The following CDIP1 variants were observed in gnomAD, a reference collection of about 807,000 sequenced individuals.
CDIP1 encodes cell death-inducing p53-target protein 1.
CDIP1 carries 9 observed loss-of-function variants against 17.7 expected under a neutral mutation model. The observed-to-expected ratio is 0.51, with a 90% CI of 0.31 to 0.89. CDIP1 has a LOEUF of 0.89. Among genes scored for constraint, CDIP1 ranks in the 40% least tolerant of loss-of-function variants. The pLI is 0.05. For missense variants in CDIP1, 263 were observed against 277.9 expected, an observed-to-expected ratio of 0.95 and a Z score of 0.38; for synonymous variants, 117 against 109.5, an observed-to-expected ratio of 1.07 and a Z score of -0.43.
chr16:4,533,719 A>T (rs1429508709), intron 1 of CDIP1: 1 of 60,314 alleles, frequency 1.7e-5, no homozygotes, highest in Admixed American at 2.1e-4. Context: ...TCCCAAGCCC[A>T]CCCCCGTACT....
At chr16:4,533,748 C>G (rs1395531076) in intron 1 of CDIP1, 1 of 139,388 alleles carries the variant, frequency 7.2e-6, no homozygotes, top group African/African-American at 2.5e-5. Context: ...GGCCTCCAAA[C>G]ACGCCCACAC....
rs182573831 is a variant in CDIP1 at position 4,516,800 on chromosome 16, C to T, written c.-104-2136G>A. Among the ~76,000 whole-genome samples, 461 of 149,164 alleles carry T rather than the reference C, an allele frequency of 3.1e-3. 5 individuals carry two copies. Among genetic ancestry groups the T allele is most frequent in the African/African-American group, 0.01 (414 of 40,190 alleles). ...CTGGCTCACTGCAACGTCTGCCTCC[C>T]GGGTCCCAGCGATTCTCCTGCCTCA... On this transcript the variant is annotated intron_variant, in intron 1 of 5. Coordinates refer to ENST00000567695, the MANE Select transcript of CDIP1 (RefSeq NM_013399.3).
At chr16:4,536,602 G>A (rs1328989267) in intron 1 of CDIP1, 6 of 152,032 alleles carry the variant, frequency 3.9e-5, no homozygotes, top group African/African-American at 1.4e-4. Flanking sequence ...TCAATGTTCT[G>A]CTCTTATGGT....
chr16:4,516,911 C>T (rs776097220), intron 1 of CDIP1, among the ~76,000 whole-genome samples: 9 of 152,102 alleles, frequency 5.9e-5, no homozygotes, highest in Non-Finnish European at 1.2e-4. Flanking sequence ...GATTTCACCA[C>T]ATTGACCAGG....
chr16:4,527,598 G>C (rs559110960), intron 1 of CDIP1, among the ~76,000 whole-genome samples: 1 of 152,330 alleles, frequency 6.6e-6, no homozygotes, highest in Admixed American at 6.5e-5. Context: ...TAGTGGATCA[G>C]TACAACTTTC....
intron 1 of CDIP1, among the ~76,000 whole-genome samples, chr16:4,535,574 A>G (rs2059098414): frequency 6.6e-6 from 1 of 152,234 alleles, no homozygotes; most frequent in African/African-American, 2.4e-5. Flanking sequence ...CACCTATCAC[A>G]GACGCGGCCA....
At chr16:4,527,764 CATGT>C (rs2059014849) in intron 1 of CDIP1, among the ~76,000 whole-genome samples, 2 of 152,168 alleles carry the variant, frequency 1.3e-5, no homozygotes, top group Non-Finnish European at 1.5e-5. Flanking sequence ...TGGTTACATG[CATGT>C]GATTAGCTAT....
chr16:4,530,660 A>C (rs962563201), intron 1 of CDIP1, among the ~76,000 whole-genome samples: 1 of 146,686 alleles, frequency 6.8e-6, no homozygotes, highest in African/African-American at 2.5e-5. Context: ...AAAAAAAAAA[A>C]CAAAAACAAA....
At chr16:4,524,412 T>C (rs557678216) in intron 1 of CDIP1, 2 of 152,430 alleles carry the variant, frequency 1.3e-5, no homozygotes, top group South Asian at 4.1e-4. Flanking sequence ...TCCCCCATTC[T>C]TGAATACAGA....
At chr16:4,528,885 A>C (rs1283955878) in intron 1 of CDIP1, among the ~76,000 whole-genome samples, 1 of 151,972 alleles carries the variant, frequency 6.6e-6, no homozygotes, top group East Asian at 1.9e-4. Flanking sequence ...GCTACTTGGG[A>C]GGCTGAGGCA....
Position 4,511,112 on chromosome 16 carries a change from C to T in CDIP1, c.*1460G>A, listed in dbSNP as rs1252599665. On this transcript the variant is annotated 3_prime_UTR_variant, in exon 6 of 6. Transcript: ENST00000567695. Reference sequence around the variant, plus strand: ...AACGTGTGCCCTGGCCCAGTCACAGCTGGAAATCCCAGGGCTGGTCTACAC... The same window carrying T: ...AACGTGTGCCCTGGCCCAGTCACAGTTGGAAATCCCAGGGCTGGTCTACAC... The T allele has an allele frequency of 2.0e-5, 3 of 152,186 alleles. No homozygotes were observed. Among genetic ancestry groups the T allele is most frequent in the Non-Finnish European group, 4.4e-5 (3 of 68,072 alleles). 9.4% of individuals were successfully genotyped at this position (152,186 alleles called of 1,614,324 possible). A position where few individuals can be genotyped will look rare whatever the true frequency, so the allele number is the denominator to read the frequency against.
chr16:4,531,230 G>A (rs547654625), intron 1 of CDIP1, among the ~76,000 whole-genome samples: 2 of 151,910 alleles, frequency 1.3e-5, no homozygotes, highest in East Asian at 1.9e-4. Flanking sequence ...GGGTTTCACC[G>A]TGTTAGCCAG....
At chr16:4,518,272 A>T (rs1282463514) in intron 1 of CDIP1, among the ~76,000 whole-genome samples, 1 of 152,246 alleles carries the variant, frequency 6.6e-6, no homozygotes, top group East Asian at 1.9e-4. Flanking sequence ...CCTAGAGCTC[A>T]AAAATTCTAT....
chr16:4,537,417 C>T (rs940905385), intron 1 of CDIP1, among the ~76,000 whole-genome samples: 1 of 152,210 alleles, frequency 6.6e-6, no homozygotes, highest in Non-Finnish European at 1.5e-5. Flanking sequence ...GCAGAGCTGG[C>T]ACGCCTCCCT....
Position 4,513,457 on chromosome 16 carries a change from A to C in CDIP1, c.241+239T>G, listed in dbSNP as rs548214319. Reference sequence around the variant, plus strand: ...GCACACAAGGCGCCCCTCCCCACCCATGTCAGGTCCTGGTGTGCCAAGGAC... The same window carrying C: ...GCACACAAGGCGCCCCTCCCCACCCCTGTCAGGTCCTGGTGTGCCAAGGAC... On this transcript the variant is annotated intron_variant, in intron 4 of 5. Coordinates refer to ENST00000567695, the MANE Select transcript of CDIP1 (RefSeq NM_013399.3). This position sits in a 1 kb window ranked among gnomAD's most constrained non-coding sequence, Gnocchi z 4.1. Among the ~76,000 whole-genome samples, 4 of 151,762 alleles carry C rather than the reference A, an allele frequency of 2.6e-5. 1 individual carries two copies. Among genetic ancestry groups the C allele is most frequent in the African/African-American group, 9.7e-5 (4 of 41,372 alleles).
chr16:4,518,967 GTCTGGGGAGC>G (rs763162845), intron 1 of CDIP1, among the ~76,000 whole-genome samples: 2 of 152,210 alleles, frequency 1.3e-5, no homozygotes, highest in Non-Finnish European at 2.9e-5. Flanking sequence ...GACTTGCGGG[GTCTGGGGAGC>G]CCACTGAAGT....
intron 1 of CDIP1, among the ~76,000 whole-genome samples, chr16:4,537,307 G>GT (rs1567426704): frequency 6.6e-6 from 1 of 152,164 alleles, no homozygotes; most frequent in East Asian, 1.9e-4. Flanking sequence ...TTCAACTTTT[G>GT]TATGTTTCAC....
At position 4,510,905 on chromosome 16, in the gene CDIP1, C is replaced by G. The variant is rs2058820606; in HGVS notation, c.*1667G>C. On this transcript the variant is annotated 3_prime_UTR_variant, in exon 6 of 6. Transcript: ENST00000567695. ...AGACTGCGCTCTGTTAGTCTTCTGC[C>G]TGTCAGCCTCAGCCCAGTCTGTGTT... 6.6e-6 allele frequency: 1 copy of G among 152,374 alleles called. No individual in the cohort carries two copies. The highest frequency in any genetic ancestry group is 1.9e-4 in the East Asian group (1 of 5,182). The allele number at this position is 152,374 out of a possible 1,614,324, so 9.4% of individuals were successfully genotyped here.
At chr16:4,535,715 G>A (rs1404957674) in intron 1 of CDIP1, among the ~76,000 whole-genome samples, 2 of 152,230 alleles carry the variant, frequency 1.3e-5, no homozygotes, top group African/African-American at 2.4e-5. Context: ...AGTGGTGACC[G>A]GGGCCATCAG....
Sources: gnomAD v4.1 joint callset for allele counts (sites outside exome capture counted in the v4.1 genomes callset) on GRCh38, gnomAD v4.1.1 for gene constraint, Gnocchi (gnomAD v3.1) non-coding constraint, MANE v1.5 for transcripts, NCBI Gene and HGNC (gene_info 2026-07-23, HGNC 2026-07-21) for gene names.